NAB1: variants seen among roughly 807,000 people sequenced by gnomAD.
The protein encoded by NAB1 is NGFI-A-binding protein 1.
NAB1 carries 25 observed loss-of-function variants against 49.9 expected under a neutral mutation model. The ratio of observed to expected loss-of-function variants is 0.50; its 90% CI spans 0.37 to 0.70. The LOEUF is 0.70. Among genes scored for constraint, NAB1 ranks in the 30% least tolerant of loss-of-function variants. NAB1 has a pLI of 0.00. For missense variants in NAB1, 489 were observed against 575.9 expected (o/e 0.85, Z 1.54); for synonymous variants, 198 against 215.6 (o/e 0.92, Z 0.71).
At chr2:190,658,246 C>T (rs190035033) in intron 3 of NAB1, among the ~76,000 whole-genome samples, 42 of 152,308 alleles carry the variant, frequency 2.8e-4, no homozygotes, top group Admixed American at 2.2e-3. Flanking sequence ...CTCCCTGATA[C>T]GTAGTTAGAT....
At chr2:190,662,139 A>G (rs961107574) in intron 4 of NAB1, among the ~76,000 whole-genome samples, 2 of 152,120 alleles carry the variant, frequency 1.3e-5, no homozygotes, top group Non-Finnish European at 2.9e-5. Context: ...TGTTCTGAGG[A>G]TTTTCTTCAT....
In NAB1 at chr2:190,652,582, C is replaced by T. The variant is rs1693724539; in HGVS notation, c.-197+2600C>T. 6.6e-6 allele frequency among the ~76,000 whole-genome samples: 1 copy of T among 152,078 alleles called. No individual in the cohort carries two copies. On this transcript the variant is annotated intron_variant, in intron 2 of 9. Coordinates refer to ENST00000337386, the MANE Select transcript of NAB1 (RefSeq NM_005966.4). The surrounding 1 kb of genome is among the most constrained non-coding windows in gnomAD (Gnocchi z 4.2). ...AATTTTTTTCCAGCTTCATTCATTC[C>T]ATTCAGAATTTAGAAACGAATCAAT...
chr2:190,668,227 T>G lies in NAB1; in HGVS notation c.820-2099T>G, dbSNP rs549797851. ...TTTCTTAAAATTTTAGTATACCCTG[T>G]GACCTAACTGGTCTATTTGTAGGAA... On this transcript the variant is annotated intron_variant, in intron 4 of 9. Transcript: ENST00000337386. Among the ~76,000 whole-genome samples the G allele has an allele frequency of 2.6e-5, 4 of 152,320 alleles. No homozygotes were observed. The East Asian group carries it at 7.7e-4, about 29-fold the overall frequency.
intron 4 of NAB1, among the ~76,000 whole-genome samples, chr2:190,664,349 C>CTT (rs539518993): frequency 2.1e-5 from 3 of 143,794 alleles, no homozygotes; most frequent in African/African-American, 7.6e-5. Flanking sequence ...ATCTTTATAT[C>CTT]TTTTTTTTTT....
Position 190,682,845 on chromosome 2 carries a change from A to G in NAB1, c.1006-893A>G, listed in dbSNP as rs1257873061. Among the ~76,000 whole-genome samples the G allele has an allele frequency of 2.6e-5, 4 of 152,234 alleles. No homozygotes were observed. The highest frequency in any genetic ancestry group is 9.6e-5 in the African/African-American group (4 of 41,468). On this transcript the variant is annotated intron_variant, in intron 6 of 9. Coordinates refer to ENST00000337386, the MANE Select transcript of NAB1 (RefSeq NM_005966.4). This position sits in a 1 kb window ranked among gnomAD's most constrained non-coding sequence, Gnocchi z 4.1. ...GAAATTGTCATGTATTGCTTGTGGTATGATAAACTAGTAAAGGCCCTCTAT... is the reference window on the plus strand; with the variant it reads ...GAAATTGTCATGTATTGCTTGTGGTGTGATAAACTAGTAAAGGCCCTCTAT...
In NAB1 at chr2:190,676,637, T is replaced by G. The variant is rs1695085981; in HGVS notation, c.1005+3485T>G. 6.6e-6 allele frequency among the ~76,000 whole-genome samples: 1 copy of G among 152,126 alleles called. No homozygotes were observed. Among genetic ancestry groups the G allele is most frequent in the East Asian group, 1.9e-4 (1 of 5,192 alleles). On this transcript the variant is annotated intron_variant, in intron 6 of 9. Coordinates refer to ENST00000337386, the MANE Select transcript of NAB1 (RefSeq NM_005966.4). The surrounding 1 kb of genome is among the most constrained non-coding windows in gnomAD (Gnocchi z 4.6). ...CAGGAGGCTGAGGTGGGAGAATCAC[T>G]GCCCCACTGCACTCCAGCCCGGGCA...
rs369860117 is a variant in NAB1, at chr2:190,659,136, CTTT to C, written c.-19-8_-19-6del. ...TTGAAGCAAGTATGATGAGTTTTTA[CTTT>C]TTTTTTTTTTTTTGGCAGGTTAAAC... On this transcript the variant is annotated intron_variant, in intron 3 of 9. Transcript: ENST00000337386. The surrounding 1 kb of genome is among the most constrained non-coding windows in gnomAD (Gnocchi z 6.2). 9.8e-4 allele frequency: 1,157 copies of C among 1,181,836 alleles called. No homozygotes were observed. Among genetic ancestry groups the C allele is most frequent in the South Asian group, 1.4e-3 (84 of 59,576 alleles). 73.2% of individuals were successfully genotyped at this position (1,181,836 alleles called of 1,614,324 possible). A position where few individuals can be genotyped will look rare whatever the true frequency, so the allele number is the denominator to read the frequency against.
At chr2:190,655,071 T>C (rs1693849485) in intron 2 of NAB1, among the ~76,000 whole-genome samples, 1 of 152,246 alleles carries the variant, frequency 6.6e-6, no homozygotes, top group Non-Finnish European at 1.5e-5. Flanking sequence ...TTCTGAACTT[T>C]TCAGGTGTGA....
In NAB1 at chr2:190,659,861, G is replaced by T. The variant is rs1694129962; in HGVS notation, c.685G>T (p.Ala229Ser). 2.5e-6 allele frequency: 4 copies of T among 1,614,214 alleles called. No individual in the cohort carries two copies. Among genetic ancestry groups the T allele is most frequent in the African/African-American group, 1.3e-5 (1 of 75,060 alleles). The change falls in exon 4 of 10, where the codon GCC becomes TCC. Residue 229 changes from alanine (A) to serine (S), a missense_variant. Physicochemically the swap from Ala to Ser is moderately conservative, Grantham distance 99. Transcript: ENST00000337386. This position sits in a 1 kb window ranked among gnomAD's most constrained non-coding sequence, Gnocchi z 6.2. ...KELLKTNKKLAKMIGHIFEMN... is the reference protein window; with the variant it reads ...KELLKTNKKLSKMIGHIFEMN... ...GCTGCTAAAAACCAACAAGAAGTTG[G>T]CCAAAATGATTGGTCACATCTTTGA...
intron 9 of NAB1, 137 bp downstream of exon 9, chr2:190,687,454 C>A: frequency 1.8e-6 from 1 of 548,800 alleles, no homozygotes; most frequent in South Asian, 2.9e-5. Flanking sequence ...GGTTGAGTAT[C>A]CCTAACTGGA....
At chr2:190,668,906 T>G (rs1035230649) in intron 4 of NAB1, among the ~76,000 whole-genome samples, 6 of 152,186 alleles carry the variant, frequency 3.9e-5, no homozygotes, top group Admixed American at 3.9e-4. Context: ...AAAGTTTAAC[T>G]TATAAATTAG....
rs4853516 is a variant in NAB1, at chr2:190,689,205, A to T, written c.1376-1040A>T. Among the ~76,000 whole-genome samples the T allele has an allele frequency of 1.3e-5, 2 of 151,912 alleles. No homozygotes were observed. Among genetic ancestry groups the T allele is most frequent in the Non-Finnish European group, 2.9e-5 (2 of 67,992 alleles). ...AGCCTGGGTCCAGATCTTAGCACCG[A>T]TACTTGACTGAGTGACCCTGACTGA... On this transcript the variant is annotated intron_variant, in intron 9 of 9. Transcript: ENST00000337386. This position sits in a 1 kb window ranked among gnomAD's most constrained non-coding sequence, Gnocchi z 4.3.
Position 190,674,779 on chromosome 2 carries a change from G to A in NAB1, c.1005+1627G>A, listed in dbSNP as rs558041973. On this transcript the variant is annotated intron_variant, in intron 6 of 9. Coordinates refer to ENST00000337386, the MANE Select transcript of NAB1 (RefSeq NM_005966.4). The surrounding 1 kb of genome is among the most constrained non-coding windows in gnomAD (Gnocchi z 5.7). ...AAAAAAAGAAATGTGGGCTGGGTAT[G>A]GTGGCTCACACCTATAATCCCAACA... Among the ~76,000 whole-genome samples, 16 of 152,294 alleles carry A rather than the reference G, an allele frequency of 1.1e-4. No homozygotes were observed. The highest frequency in any genetic ancestry group is 2.6e-4 in the Admixed American group (4 of 15,302).
chr2:190,675,218 CTCTA>C lies in NAB1; in HGVS notation c.1005+2072_1005+2075del, dbSNP rs753765594. 2.6e-5 allele frequency among the ~76,000 whole-genome samples: 4 copies of C among 152,204 alleles called. No homozygotes were observed. The highest frequency in any genetic ancestry group is 7.2e-5 in the African/African-American group (3 of 41,444). ...ATTAGTTGCTAGGCTAGAAATATGT[CTCTA>C]TCTATTTCTCACCATTGGCCCTAAG... On this transcript the variant is annotated intron_variant, in intron 6 of 9. Coordinates refer to ENST00000337386, the MANE Select transcript of NAB1 (RefSeq NM_005966.4). The surrounding 1 kb of genome is among the most constrained non-coding windows in gnomAD (Gnocchi z 5.2).
rs1574459367 is a variant in NAB1 at position 190,674,161 on chromosome 2, C to T, written c.1005+1009C>T. Among the ~76,000 whole-genome samples the T allele has an allele frequency of 6.6e-6, 1 of 152,288 alleles. No homozygotes were observed. The highest frequency in any genetic ancestry group is 2.4e-5 in the African/African-American group (1 of 41,564). On this transcript the variant is annotated intron_variant, in intron 6 of 9. Transcript: ENST00000337386. This position sits in a 1 kb window ranked among gnomAD's most constrained non-coding sequence, Gnocchi z 5.7. Reference sequence around the variant, plus strand: ...CTTAACTCCTTTCAGTGGCTTTCTACTGTACCTGGAATAAAATCTAAACTT... The same window carrying T: ...CTTAACTCCTTTCAGTGGCTTTCTATTGTACCTGGAATAAAATCTAAACTT...
intron 5 of NAB1, among the ~76,000 whole-genome samples, chr2:190,671,769 C>CTTTTTT (rs1177937369): frequency 8.5e-4 from 61 of 71,750 alleles, no homozygotes; most frequent in African/African-American, 9.9e-4. Context: ...TTCACCTTTC[C>CTTTTTT]TTTTTTTTTT....
rs1694589012 is a variant in NAB1 at position 190,667,583 on chromosome 2, TCTTC to T, written c.820-2738_820-2735del. On this transcript the variant is annotated intron_variant, in intron 4 of 9. Coordinates refer to ENST00000337386, the MANE Select transcript of NAB1 (RefSeq NM_005966.4). The surrounding 1 kb of genome is among the most constrained non-coding windows in gnomAD (Gnocchi z 4.4). ...GGAGTGGAGAAGGCTGAAAATAAATTCTTCCTTCAATTATGCTTTCATATTCAGC... is the reference window on the plus strand; with the variant it reads ...GGAGTGGAGAAGGCTGAAAATAAATTCTTCAATTATGCTTTCATATTCAGC... 6.6e-6 allele frequency among the ~76,000 whole-genome samples: 1 copy of T among 152,216 alleles called. No homozygotes were observed. The highest frequency in any genetic ancestry group is 1.5e-5 in the Non-Finnish European group (1 of 68,028).
At position 190,655,325 on chromosome 2, in the gene NAB1, C is replaced by G. The variant is rs576680470; in HGVS notation, c.-196-652C>G. On this transcript the variant is annotated intron_variant, in intron 2 of 9. Coordinates refer to ENST00000337386, the MANE Select transcript of NAB1 (RefSeq NM_005966.4). ...GAACACTTGGAGTGACTCCATGGCT[C>G]TTGTCCAAGCTACAAATACAGATTT... Among the ~76,000 whole-genome samples, 3 of 152,232 alleles carry G rather than the reference C, an allele frequency of 2.0e-5. No individual in the cohort carries two copies. In the South Asian group the frequency reaches 6.2e-4, roughly 32 times the overall value.
rs1387775977 is a variant in NAB1, at chr2:190,688,787, CT to C, written c.1376-1455del. ...TTTTCTTTCTTTCTTCCTTTCCTTT[CT>C]TTCCTTCCTTTCTTTCCTTTCTTTT... is the stretch of plus-strand genomic sequence containing the variant. On this transcript the variant is annotated intron_variant, in intron 9 of 9. Coordinates refer to ENST00000337386, the MANE Select transcript of NAB1 (RefSeq NM_005966.4). Among the ~76,000 whole-genome samples the C allele has an allele frequency of 2.0e-5, 3 of 146,812 alleles. No homozygotes were observed. The East Asian group carries it at 5.8e-4, about 29-fold the overall frequency.
Sources: gnomAD v4.1 joint callset for allele counts (sites outside exome capture counted in the v4.1 genomes callset) on GRCh38, gnomAD v4.1.1 for gene constraint, Gnocchi (gnomAD v3.1) non-coding constraint, MANE v1.5 for transcripts, NCBI Gene and HGNC (gene_info 2026-07-23, HGNC 2026-07-21) for gene names.